CSMD1: variants seen among roughly 807,000 people sequenced by gnomAD.
CSMD1 encodes CUB and Sushi multiple domains 1.
Under a neutral mutation model 417.5 loss-of-function variants are expected in CSMD1, and 213 were observed. That is an observed-to-expected ratio of 0.51 (90% CI 0.46 to 0.57). The LOEUF (loss-of-function observed/expected upper bound fraction) is 0.57. Among genes scored for constraint, CSMD1 ranks in the 20% least tolerant of loss-of-function variants. The pLI is 0.00. For missense variants in CSMD1, 6,923 were observed against 4,529.7 expected (o/e 1.53, Z -15.17); for synonymous variants, 2,862 against 1,736.8 (o/e 1.65, Z -16.11).
intron 1 of CSMD1, among the ~76,000 whole-genome samples, chr8:4,684,807 A>G (rs1398837246): frequency 6.6e-6 from 1 of 152,224 alleles, no homozygotes; most frequent in African/African-American, 2.4e-5. Context: ...GAGAACAGTA[A>G]GTAAAAAAGA....
intron 5 of CSMD1, among the ~76,000 whole-genome samples, chr8:3,865,917 A>G (rs1450380409): frequency 6.6e-6 from 1 of 152,152 alleles, no homozygotes; most frequent in Non-Finnish European, 1.5e-5. Context: ...AAACCACATT[A>G]ATTAACTCCT....
chr8:4,938,307 A>T (rs1807759512), intron 1 of CSMD1, among the ~76,000 whole-genome samples: 1 of 152,148 alleles, frequency 6.6e-6, no homozygotes. Context: ...TGACAGGAAA[A>T]GTTTAACTGC....
At chr8:4,107,691 G>T (rs899399979) in intron 3 of CSMD1, among the ~76,000 whole-genome samples, 3 of 152,050 alleles carry the variant, frequency 2.0e-5, no homozygotes, top group African/African-American at 7.2e-5. Context: ...AACATGACAG[G>T]GAACCGGGCA....
chr8:3,767,501 C>G (rs1226714925), intron 5 of CSMD1, among the ~76,000 whole-genome samples: 2 of 152,196 alleles, frequency 1.3e-5, no homozygotes, highest in Admixed American at 6.5e-5. Flanking sequence ...TTCCCCCAAC[C>G]TAACTAAGGC....
intron 5 of CSMD1, among the ~76,000 whole-genome samples, chr8:3,842,786 T>C (rs1803219366): frequency 6.6e-6 from 1 of 152,192 alleles, no homozygotes; most frequent in Admixed American, 6.5e-5. Flanking sequence ...CAAAACTGTC[T>C]TTTAAAAAGT....
chr8:4,347,618 C>G (rs542317687), intron 3 of CSMD1, among the ~76,000 whole-genome samples: 1 of 152,252 alleles, frequency 6.6e-6, no homozygotes, highest in South Asian at 2.1e-4. Flanking sequence ...TGCTCTGAGT[C>G]TTCTAGTGCA....
intron 3 of CSMD1, among the ~76,000 whole-genome samples, chr8:4,170,967 C>T (rs554899503): frequency 2.0e-5 from 3 of 151,932 alleles, no homozygotes; most frequent in African/African-American, 4.9e-5. Context: ...CCCAGGGCTG[C>T]AGTTGACGAA....
chr8:4,118,586 A>T (rs1030166505), intron 3 of CSMD1, among the ~76,000 whole-genome samples: 1 of 152,178 alleles, frequency 6.6e-6, no homozygotes, highest in African/African-American at 2.4e-5. Flanking sequence ...AAAAGTAAGG[A>T]AACAATAGAT....
intron 3 of CSMD1, among the ~76,000 whole-genome samples, chr8:4,175,978 G>A (rs570527418): frequency 1.3e-5 from 2 of 152,224 alleles, no homozygotes; most frequent in South Asian, 4.1e-4. Flanking sequence ...TTCTCTCATT[G>A]TATTCTCTGT....
chr8:4,422,809 C>A (rs749987559), intron 2 of CSMD1, among the ~76,000 whole-genome samples: 1 of 151,914 alleles, frequency 6.6e-6, no homozygotes, highest in Non-Finnish European at 1.5e-5. Flanking sequence ...TAGAAATAGG[C>A]AAGATACGAA....
intron 8 of CSMD1, among the ~76,000 whole-genome samples, chr8:3,602,770 C>G (rs80138756): frequency 6.6e-6 from 1 of 151,586 alleles, no homozygotes; most frequent in South Asian, 2.1e-4. Context: ...TACAGAAGGT[C>G]ATTTTGAAGA....
At chr8:4,520,988 C>T (rs1178282252) in intron 2 of CSMD1, among the ~76,000 whole-genome samples, 3 of 152,076 alleles carry the variant, frequency 2.0e-5, no homozygotes. Flanking sequence ...ACATTCATGG[C>T]TCATTATATT....
intron 1 of CSMD1, among the ~76,000 whole-genome samples, chr8:4,850,037 C>G (rs561316681): frequency 6.6e-6 from 1 of 152,272 alleles, no homozygotes; most frequent in East Asian, 1.9e-4. Flanking sequence ...GTGTTACGTA[C>G]GTACTATACT....
chr8:3,641,884 C>A (rs78836098), intron 7 of CSMD1, among the ~76,000 whole-genome samples: 84 of 152,298 alleles, frequency 5.5e-4, no homozygotes, highest in Non-Finnish European at 1.0e-3. Context: ...TAAGGTTTCG[C>A]TACATAGGCA....
In CSMD1 at chr8:3,124,927, A is replaced by G. The variant is rs190900329; in HGVS notation, c.6242-6340T>C. 7.4e-4 allele frequency among the ~76,000 whole-genome samples: 113 copies of G among 152,330 alleles called. 1 individual carries two copies. The highest frequency in any genetic ancestry group is 2.5e-3 in the African/African-American group (103 of 41,562). The stretch of plus-strand genomic sequence containing the variant: ...TATTGTAAACTATACACTAAGTAAG[A>G]GTATCACTAAGTAAGAGCATCAGTT... On this transcript the variant is annotated intron_variant, in intron 41 of 69. Transcript: ENST00000635120.
At chr8:3,968,810 A>C (rs1219784334) in intron 5 of CSMD1, among the ~76,000 whole-genome samples, 1 of 152,196 alleles carries the variant, frequency 6.6e-6, no homozygotes, top group African/African-American at 2.4e-5. Flanking sequence ...AACAGAGAAA[A>C]CACTGATCCA....
chr8:2,999,278 T>C (rs117681885), intron 53 of CSMD1, among the ~76,000 whole-genome samples: 2,074 of 148,818 alleles, frequency 0.014, 19 homozygotes, highest in Middle Eastern at 0.022. Context: ...CTTCAGCCCC[T>C]CCTAGTAGCT....
intron 26 of CSMD1, among the ~76,000 whole-genome samples, chr8:3,270,084 C>T (rs1175995451): frequency 2.4e-5 from 3 of 126,556 alleles, no homozygotes; most frequent in African/African-American, 5.8e-5. Context: ...GAGTCTTGCT[C>T]TGTTGCCCAG....
chr8:4,247,718 A>T lies in CSMD1; in HGVS notation c.415+172235T>A, dbSNP rs138751584. On this transcript the variant is annotated intron_variant, in intron 3 of 69. Coordinates refer to ENST00000635120, the MANE Select transcript of CSMD1 (RefSeq NM_033225.6). ...TTTTTATTTTGGTACACATACTATAACGCCCTTTTGAAAATGTATCATCAA... is the reference window on the plus strand; with the variant it reads ...TTTTTATTTTGGTACACATACTATATCGCCCTTTTGAAAATGTATCATCAA... 4.1e-3 allele frequency among the ~76,000 whole-genome samples: 629 copies of T among 152,222 alleles called. 6 individuals carry two copies. Among genetic ancestry groups the T allele is most frequent in the African/African-American group, 0.014 (593 of 41,552 alleles).
Sources: allele counts gnomAD v4.1 joint callset (sites outside exome capture counted in the v4.1 genomes callset), GRCh38; gene constraint gnomAD v4.1.1; transcripts MANE v1.5; gene names NCBI Gene and HGNC (gene_info 2026-07-23, HGNC 2026-07-21).